Variants in SLC5A4 observed in about 807,000 individuals in gnomAD.
SLC5A4 encodes the protein solute carrier family 5 member 4, also known as probable glucose sensor protein SLC5A4.
A neutral mutation model predicts 70.3 loss-of-function variants in SLC5A4; 55 were observed. That is an observed-to-expected ratio of 0.78 (90% CI 0.63 to 0.98). The LOEUF (loss-of-function observed/expected upper bound fraction) is 0.98. Ranked by LOEUF, SLC5A4 falls within the 50% of genes least tolerant of loss-of-function variation. The pLI is 0.00. For missense variants in SLC5A4, 735 were observed against 839.2 expected (o/e 0.88, Z 1.53); for synonymous variants, 268 against 305.7 (o/e 0.88, Z 1.29).
chr22:32,236,468 A>G (rs1325191251), intron 7 of SLC5A4, among the ~76,000 whole-genome samples: 1 of 152,240 alleles, frequency 6.6e-6, no homozygotes, highest in Non-Finnish European at 1.5e-5. Flanking sequence ...ACTACAATAC[A>G]TTGTTAGAAT....
At chr22:32,238,844 G>T (rs1926213603) in intron 6 of SLC5A4, 141 bp downstream of exon 6, 2 of 653,998 alleles carry the variant, frequency 3.1e-6, no homozygotes, top group African/African-American at 1.8e-5. Context: ...TGTTTCTGGT[G>T]CTGTGCTTGA....
chr22:32,330,956 G>T, the SLC5A4 span, among the ~76,000 whole-genome samples: 1 of 12,090 alleles, frequency 8.3e-5, no homozygotes, highest in East Asian at 2.3e-3. Flanking sequence ...GCTCTGGTGT[G>T]TGTGTGTTGG....
At chr22:32,312,662 C>G in the SLC5A4 span, among the ~76,000 whole-genome samples, 4 of 151,988 alleles carry the variant, frequency 2.6e-5, no homozygotes, top group Admixed American at 2.6e-4. Context: ...TGCTCGTAAT[C>G]TTAGAAGTCC....
At chr22:32,269,480 A>G in the SLC5A4 span, 3 of 548,638 alleles carry the variant, frequency 5.5e-6, no homozygotes, top group Non-Finnish European at 1.1e-5. The surrounding 1 kb of genome is among the most constrained non-coding windows in gnomAD (Gnocchi z 4.1). Context: ...GTTCGAGCCC[A>G]ACCAGACCTG....
In SLC5A4 at chr22:32,229,265, G is replaced by C. The variant is rs772099258; in HGVS notation, c.1209C>G (p.Thr403=). ...TGGTGTAGAGGTCAATGGTGAAGAGGGTGCTGGCGCTGTTGAAGATGGAGG... is the reference window on the plus strand; with the variant it reads ...TGGTGTAGAGGTCAATGGTGAAGAGCGTGCTGGCGCTGTTGAAGATGGAGG... ...SLTSIFNSAS[T]LFTIDLYTKM... The change falls in exon 11 of 15, where the codon ACC becomes ACG. Residue 403 remains threonine, a synonymous_variant. Transcript: ENST00000266086. 9.9e-6 allele frequency: 16 copies of C among 1,613,968 alleles called. No individual in the cohort carries two copies. In the African/African-American group the frequency reaches 2.1e-4, roughly 22 times the overall value.
chr22:32,300,666 G>A, the SLC5A4 span, among the ~76,000 whole-genome samples: 2 of 152,126 alleles, frequency 1.3e-5, no homozygotes, highest in African/African-American at 4.8e-5. Flanking sequence ...GTTCCTATTA[G>A]GCCATCTTTG....
intron 5 of SLC5A4, among the ~76,000 whole-genome samples, chr22:32,239,537 TATATATATATATATATA>T (rs1569374651): frequency 0.14 from 2,233 of 16,318 alleles, 254 homozygotes; most frequent in African/African-American, 0.4. Context: ...TATATATATA[TATATATATATATATATA>T]TATATATATA....
At chr22:32,306,890 C>T in the SLC5A4 span, among the ~76,000 whole-genome samples, 1 of 141,742 alleles carries the variant, frequency 7.1e-6, no homozygotes, top group Non-Finnish European at 1.5e-5. Context: ...GAGAAACTGA[C>T]ATGCAATTCC....
chr22:32,254,681 G>A (rs571387296), intron 1 of SLC5A4, among the ~76,000 whole-genome samples: 1 of 152,078 alleles, frequency 6.6e-6, no homozygotes. Context: ...GCGCATGCCT[G>A]TAGTCCCAGC....
chr22:32,235,789 C>A (rs1364850892), intron 7 of SLC5A4, among the ~76,000 whole-genome samples: 14 of 152,128 alleles, frequency 9.2e-5, no homozygotes, highest in Non-Finnish European at 4.4e-5. Context: ...ATGAAAAATT[C>A]ATCAGGGTAT....
chr22:32,244,342 A>G lies in SLC5A4; in HGVS notation c.477+3069T>C, dbSNP rs76683702. On this transcript the variant is annotated intron_variant, in intron 5 of 14. Coordinates refer to ENST00000266086, the MANE Select transcript of SLC5A4 (RefSeq NM_014227.3). ...TAGCTGTCTTCACTCATACTGCTTT[A>G]TCCTCATCCACAGAGGGGCGAGTAT... Among the ~76,000 whole-genome samples the G allele has an allele frequency of 3.1e-3, 467 of 152,326 alleles. 2 individuals are homozygous for G. Among genetic ancestry groups the G allele is most frequent in the Non-Finnish European group, 4.5e-3 (305 of 68,036 alleles).
the SLC5A4 span, among the ~76,000 whole-genome samples, chr22:32,306,896 A>C: frequency 1.5e-5 from 2 of 129,260 alleles, no homozygotes; most frequent in African/African-American, 5.7e-5. Flanking sequence ...CTGACATGCA[A>C]TTCCAAGAAG....
At chr22:32,306,194 G>A in the SLC5A4 span, among the ~76,000 whole-genome samples, 223 of 152,302 alleles carry the variant, frequency 1.5e-3, 1 homozygote, top group Middle Eastern at 3.4e-3. Context: ...GGCCGGGCGC[G>A]GTGGCTCACG....
chr22:32,297,794 G>A, the SLC5A4 span, among the ~76,000 whole-genome samples: 1 of 117,654 alleles, frequency 8.5e-6, no homozygotes, highest in African/African-American at 3.2e-5. Flanking sequence ...GGCATTTAGT[G>A]CTATAAATTT....
the SLC5A4 span, among the ~76,000 whole-genome samples, chr22:32,265,787 C>G: frequency 2.6e-5 from 4 of 151,962 alleles, no homozygotes. Context: ...TTGCAGTGAG[C>G]CGAGATCATG....
the SLC5A4 span, among the ~76,000 whole-genome samples, chr22:32,311,380 A>ACCCTCCTCT: frequency 6.6e-6 from 1 of 151,858 alleles, no homozygotes; most frequent in Non-Finnish European, 1.5e-5. Context: ...TGAGCTAAGA[A>ACCCTCCTCT]CTGGGGGAGA....
chr22:32,273,134 C>G, the SLC5A4 span: 1 of 446,448 alleles, frequency 2.2e-6, no homozygotes, highest in Admixed American at 2.5e-5. Flanking sequence ...GCTGCCACCA[C>G]CACACCGCAC....
the SLC5A4 span, among the ~76,000 whole-genome samples, chr22:32,338,893 G>A: frequency 6.6e-6 from 1 of 152,180 alleles, no homozygotes; most frequent in Non-Finnish European, 1.5e-5. Flanking sequence ...ACTCACAAAG[G>A]TGTCTGCTGT....
At chr22:32,305,103 C>T in the SLC5A4 span, among the ~76,000 whole-genome samples, 1 of 152,136 alleles carries the variant, frequency 6.6e-6, no homozygotes, top group East Asian at 1.9e-4. Context: ...ACCACACTGT[C>T]TTATGTAATC....
Sources: allele counts gnomAD v4.1 joint callset (sites outside exome capture counted in the v4.1 genomes callset), GRCh38; gene constraint gnomAD v4.1.1; non-coding constraint Gnocchi (gnomAD v3.1); transcripts MANE v1.5; gene names NCBI Gene and HGNC (gene_info 2026-07-23, HGNC 2026-07-21).